Variants in ASCC1 observed in about 807,000 individuals in gnomAD.
ASCC1 encodes the protein activating signal cointegrator 1 complex subunit 1, also known as ASC-1 complex subunit P50.
A neutral mutation model predicts 46.6 loss-of-function variants in ASCC1; 35 were observed. The ratio of observed to expected loss-of-function variants is 0.75; its 90% CI spans 0.57 to 0.99. The LOEUF is 0.99. ASCC1 is among the 50% of genes least tolerant of loss of function. The pLI, the probability that ASCC1 is intolerant of heterozygous loss-of-function variation, is 0.00. For missense variants in ASCC1, 376 were observed against 428.7 expected, an observed-to-expected ratio of 0.88 and a Z score of 1.09; for synonymous variants, 143 against 146.6, an observed-to-expected ratio of 0.98 and a Z score of 0.18.
intron 5 of ASCC1, among the ~76,000 whole-genome samples, chr10:72,179,625 T>C (rs1852310889): frequency 1.3e-5 from 2 of 152,174 alleles, no homozygotes; most frequent in South Asian, 4.1e-4. Context: ...GGCAAGTTAC[T>C]CTCTCTAAGC....
At chr10:72,197,905 C>CT (rs1855703103) in intron 4 of ASCC1, among the ~76,000 whole-genome samples, 3 of 129,662 alleles carry the variant, frequency 2.3e-5, no homozygotes, top group African/African-American at 1.2e-4. Flanking sequence ...GACCCTGTCT[C>CT]AAAATAAATA....
chr10:72,178,085 A>G (rs1797209075), intron 5 of ASCC1, among the ~76,000 whole-genome samples: 1 of 152,228 alleles, frequency 6.6e-6, no homozygotes, highest in East Asian at 1.9e-4. Flanking sequence ...CCAAACAAAG[A>G]GGAAAAAGAG....
In ASCC1 at chr10:72,119,794, G is replaced by A. The variant is rs183237418; in HGVS notation, c.957+8288C>T. 4.9e-3 allele frequency among the ~76,000 whole-genome samples: 752 copies of A among 152,054 alleles called. 5 individuals are homozygous for A. Among genetic ancestry groups the A allele is most frequent in the Non-Finnish European group, 7.5e-3 (511 of 67,978 alleles). On this transcript the variant is annotated intron_variant, in intron 9 of 9. Coordinates refer to ENST00000672957, the MANE Select transcript of ASCC1 (RefSeq NM_001198800.3). ...AGAACCAGAGTCAGAAATGGCAGGC[G>A]TGCTGGAATTATCATACTGGGAACA...
rs1346826462 is a variant in ASCC1, at chr10:72,096,603, G to C, written c.*731C>G. 2 of 453,786 alleles carry C rather than the reference G, an allele frequency of 4.4e-6. No homozygotes were observed. Among genetic ancestry groups the C allele is most frequent in the Non-Finnish European group, 8.8e-6 (2 of 226,504 alleles). The allele number at this position is 453,786 out of a possible 1,614,324, so 28.1% of individuals were successfully genotyped here. A position where few individuals can be genotyped will look rare whatever the true frequency, so the allele number is the denominator to read the frequency against. On this transcript the variant is annotated 3_prime_UTR_variant, in exon 10 of 10. Coordinates refer to ENST00000672957, the MANE Select transcript of ASCC1 (RefSeq NM_001198800.3). ...GGAATTAAAGGCAGAGTCTCAAAGA[G>C]ATATTTGCACCCCCGTGTCTGTATT...
At position 72,210,769 on chromosome 10, in the gene ASCC1, A is replaced by C; in HGVS notation, c.175T>G (p.Phe59Val). Residue 59 changes from phenylalanine (F) to valine (V), a missense_variant, in exon 3 of 10, where the codon TTC becomes GTC. By Grantham distance (50) the Phe-to-Val change is conservative (BLOSUM62 -1). Transcript: ENST00000672957. The part of the protein sequence containing the change: ...AYEVEQTPQG[F>V]RSTLRAPSLL... ...CTGGGGGCCCTCAAAGTAGACCGGAATCCTTGTGGGGTCTGCTCCACCTCG... is the reference window on the plus strand; with the variant it reads ...CTGGGGGCCCTCAAAGTAGACCGGACTCCTTGTGGGGTCTGCTCCACCTCG... 6.2e-7 allele frequency: 1 copy of C among 1,614,104 alleles called. No homozygotes were observed. Among genetic ancestry groups the C allele is most frequent in the Non-Finnish European group, 8.5e-7 (1 of 1,179,986 alleles).
intron 6 of ASCC1, among the ~76,000 whole-genome samples, chr10:72,154,111 G>T (rs139401183): frequency 1.3e-5 from 2 of 152,282 alleles, no homozygotes; most frequent in East Asian, 3.9e-4. Context: ...ATTTCCAGGA[G>T]CCCAAGCTAA....
chr10:72,134,877 T>A lies in ASCC1; in HGVS notation c.747-1696A>T, dbSNP rs142683182. 2.6e-5 allele frequency among the ~76,000 whole-genome samples: 4 copies of A among 152,140 alleles called. No individual in the cohort carries two copies. In the East Asian group the frequency reaches 5.8e-4, roughly 22 times the overall value. On this transcript the variant is annotated intron_variant, in intron 7 of 9. Transcript: ENST00000672957. ...CTCGAGAAAAGAAAAAAAGCAAAAA[T>A]ATGCCTCCTTGTTTCTCACAATTAG...
At chr10:72,121,049 G>T (rs1465211341) in intron 9 of ASCC1, among the ~76,000 whole-genome samples, 4 of 151,936 alleles carry the variant, frequency 2.6e-5, no homozygotes, top group Admixed American at 2.6e-4. Context: ...AACATCAATG[G>T]TCTAAATACA....
intron 9 of ASCC1, among the ~76,000 whole-genome samples, chr10:72,123,317 C>A (rs1170067951): frequency 7.1e-6 from 1 of 140,842 alleles, no homozygotes; most frequent in Non-Finnish European, 1.5e-5. Flanking sequence ...CCAGCCTGGG[C>A]GGCAGAGCAA....
In ASCC1 at chr10:72,196,850, G is replaced by A. The variant is rs1045359481; in HGVS notation, c.450C>T (p.Phe150=). 3.1e-6 allele frequency: 5 copies of A among 1,613,176 alleles called. No individual in the cohort carries two copies. The highest frequency in any genetic ancestry group is 3.4e-6 in the Non-Finnish European group (4 of 1,179,996). Residue 150 remains phenylalanine (F), a synonymous_variant, in exon 5 of 10, where the codon TTC becomes TTT. Transcript: ENST00000672957. ...FLNEVEVQEG[F]LRFQEEVLAK... ...CCAGTACTTCCTCCTGGAATCTCAG[G>A]AATCCTTCCTGAACCTCAACTTCAT...
chr10:72,123,181 C>T (rs1215086943), intron 9 of ASCC1, among the ~76,000 whole-genome samples: 1 of 151,066 alleles, frequency 6.6e-6, no homozygotes, highest in East Asian at 2.0e-4. Context: ...ACTAAAAATA[C>T]AAAAAAAATT....
At chr10:72,140,357 G>A (rs2132402098) in intron 7 of ASCC1, among the ~76,000 whole-genome samples, 1 of 152,256 alleles carries the variant, frequency 6.6e-6, no homozygotes, top group South Asian at 2.1e-4. Context: ...TAGATAGTGG[G>A]AGATAAAGCT....
chr10:72,140,802 G>A (rs1359477647), intron 7 of ASCC1, among the ~76,000 whole-genome samples: 1 of 152,118 alleles, frequency 6.6e-6, no homozygotes, highest in Non-Finnish European at 1.5e-5. Flanking sequence ...GTGATGCAGG[G>A]CTGCACCACT....
intron 5 of ASCC1, among the ~76,000 whole-genome samples, chr10:72,165,647 G>T (rs1850241134): frequency 6.6e-6 from 1 of 152,178 alleles, no homozygotes; most frequent in East Asian, 1.9e-4. Context: ...AAGTGTTAAT[G>T]GAGCTTGAGC....
rs1849977863 is a variant in ASCC1, at chr10:72,163,643, G to A, written c.490-1969C>T. 3.3e-5 allele frequency among the ~76,000 whole-genome samples: 5 copies of A among 151,898 alleles called. No individual in the cohort carries two copies. In the South Asian group the frequency reaches 8.3e-4, roughly 25 times the overall value. ...CCAGCTACTACGGAGGCTGAGGCAG[G>A]AGAATTGCTTGAACCTGGGAGGAAA... On this transcript the variant is annotated intron_variant, in intron 5 of 9. Transcript: ENST00000672957.
chr10:72,196,977 T>C lies in ASCC1; in HGVS notation c.323A>G (p.Gln108Arg), dbSNP rs1855528878. 1 of 1,613,690 alleles carries C rather than the reference T, an allele frequency of 6.2e-7. No individual in the cohort carries two copies. The highest frequency in any genetic ancestry group is 1.7e-5 in the Admixed American group (1 of 60,008). The change falls in exon 5 of 10, where the codon CAG (glutamine) becomes CGG (arginine). Residue 108 changes from glutamine (Q) to arginine (R), a missense_variant. Transcript: ENST00000672957. ...GGCTGAAATTACACCATTTCGATGCTGGCCAGTGATTACTGTAAACAAAGA... is the reference window on the plus strand; with the variant it reads ...GGCTGAAATTACACCATTTCGATGCCGGCCAGTGATTACTGTAAACAAAGA... ...GQDGEIVITG[Q>R]HRNGVISART... is the part of the protein sequence containing the mutation.
chr10:72,191,238 T>A (rs192031137), intron 5 of ASCC1, among the ~76,000 whole-genome samples: 8,188 of 145,610 alleles, frequency 0.056, 793 homozygotes, highest in African/African-American at 0.2. Flanking sequence ...TTTTTTTTTT[T>A]GTATTTTTAG....
chr10:72,190,607 A>G (rs1192563139), intron 5 of ASCC1: 21 of 1,080,658 alleles, frequency 1.9e-5, no homozygotes, highest in Non-Finnish European at 2.8e-5. Context: ...TTCATACCTA[A>G]TAAACAATTT....
At chr10:72,175,981 A>C (rs1478658428) in intron 5 of ASCC1, among the ~76,000 whole-genome samples, 1 of 152,206 alleles carries the variant, frequency 6.6e-6, no homozygotes, top group African/African-American at 2.4e-5. Flanking sequence ...TACAAGTCTT[A>C]CTTGGTACAG....
Sources: allele counts gnomAD v4.1 joint callset (sites outside exome capture counted in the v4.1 genomes callset), GRCh38; gene constraint gnomAD v4.1.1; transcripts MANE v1.5; gene names NCBI Gene and HGNC (gene_info 2026-07-23, HGNC 2026-07-21).